RNF213: variants seen among roughly 807,000 people sequenced by gnomAD.
RNF213 encodes the protein ring finger protein 213, also known as E3 ubiquitin-protein ligase RNF213.
A neutral mutation model predicts 514.4 loss-of-function variants in RNF213; 341 were observed. The ratio of observed to expected loss-of-function variants is 0.66; its 90% CI spans 0.61 to 0.73. The LOEUF (loss-of-function observed/expected upper bound fraction) is 0.73. Among genes scored for constraint, RNF213 ranks in the 30% least tolerant of loss-of-function variants. The pLI is 0.00. For synonymous variants in RNF213, 2,655 were observed against 2,658.2 expected (o/e 1.00, Z 0.04); for missense variants, 5,767 against 6,615.6 (o/e 0.87, Z 4.45).
At chr17:80,312,976 C>CGAGGATGACTGACCCTCCCTCTT in intron 14 of RNF213, 36 bp from the exon 15 acceptor site, 1 of 1,612,962 alleles carries the variant, frequency 6.2e-7, no homozygotes, top group Non-Finnish European at 8.5e-7. Flanking sequence ...AGTCCACAGC[C>CGAGGATGACTGACCCTCCCTCTT]GAGGATGACT....
At chr17:80,334,385 G>C in intron 22 of RNF213, 115 bp downstream of exon 22, 5 of 1,156,974 alleles carry the variant, frequency 4.3e-6, no homozygotes, top group Non-Finnish European at 5.9e-6. Flanking sequence ...ACTACGTAAA[G>C]GGCAGAAAGA....
At chr17:80,370,965 TAA>T (rs1356239205) in intron 46 of RNF213, among the ~76,000 whole-genome samples, 1 of 152,180 alleles carries the variant, frequency 6.6e-6, no homozygotes, top group South Asian at 2.1e-4. Context: ...TTTGAATACT[TAA>T]AGACATTTTG....
chr17:80,346,161 A>G lies in RNF213; in HGVS notation c.7826A>G (p.Glu2609Gly), dbSNP rs769594537. Residue 2609 changes from glutamate (E) to glycine (G), a missense_variant, in exon 29 of 68, where the codon GAA becomes GGA. Glu to Gly is a moderately conservative substitution (Grantham distance 98, BLOSUM62 -2). Coordinates refer to ENST00000582970, the MANE Select transcript of RNF213 (RefSeq NM_001256071.3). This position sits in a 1 kb window ranked among gnomAD's most constrained non-coding sequence, Gnocchi z 8.1. ...QRLVESISLDENGTRVITEVL... is the reference protein window; with the variant it reads ...QRLVESISLDGNGTRVITEVL... Reference sequence around the variant, plus strand: ...CTGGTTGAGTCCATCAGCCTAGATGAAAACGGGACTCGCGTGATCACAGAA... The same window carrying G: ...CTGGTTGAGTCCATCAGCCTAGATGGAAACGGGACTCGCGTGATCACAGAA... 4 of 1,614,184 alleles carry G rather than the reference A, an allele frequency of 2.5e-6. No individual in the cohort carries two copies. The African/African-American group carries it at 5.3e-5, about 22-fold the overall frequency.
intron 32 of RNF213, chr17:80,352,724 A>G (rs1216836493): frequency 1.4e-6 from 1 of 700,018 alleles, no homozygotes; most frequent in South Asian, 1.6e-5. Context: ...GTTGCTGCTT[A>G]TGGTGAAGCT....
rs1599057139 is a variant in RNF213, at chr17:80,339,792, C to G, written c.5425C>G (p.Leu1809Val). ...GACCCTTGGCCACTGTCTGGCTCAC[C>G]TGGCAGGGATGGGTGGGTCTCCCGT... is the stretch of plus-strand genomic sequence containing the variant. ...LETLGHCLAH[L>V]AGMGGSPVER... Residue 1809 changes from leucine (L) to valine (V), a missense_variant, in exon 26 of 68, where the codon CTG becomes GTG. Physicochemically the swap from Leu to Val is conservative, Grantham distance 32 (BLOSUM62 1). Around this residue, in one of 13 missense-constraint regions of RNF213, gnomAD observed 1,377 missense variants for 1,635.2 expected, o/e 0.84. Transcript: ENST00000582970. The G allele has an allele frequency of 6.5e-7, 1 of 1,534,808 alleles. No homozygotes were observed. The highest frequency in any genetic ancestry group is 8.7e-7 in the Non-Finnish European group (1 of 1,145,008).
rs2079179557 is a variant in RNF213 at position 80,364,470 on chromosome 17, G to A, written c.11788G>A (p.Val3930Met). 2 of 1,614,170 alleles carry A rather than the reference G, an allele frequency of 1.2e-6. No individual in the cohort carries two copies. The highest frequency in any genetic ancestry group is 1.3e-5 in the African/African-American group (1 of 75,040). ...TCGGATTTTCTCCACCGCACTCTTC[G>A]TGGAGCACGTGCTCCTAGGAACCGA... ...WSRIFSTALF[V>M]EHVLLGTESR... Residue 3930 changes from valine to methionine, a missense_variant, in exon 42 of 68, where the codon GTG becomes ATG. Coordinates refer to ENST00000582970, the MANE Select transcript of RNF213 (RefSeq NM_001256071.3).
rs1005114328 is a variant in RNF213, at chr17:80,377,115, G to A, written c.13510+152G>A. 3.5e-5 allele frequency: 24 copies of A among 676,486 alleles called. No individual in the cohort carries two copies. The highest frequency in any genetic ancestry group is 1.1e-4 in the African/African-American group (6 of 56,286). The allele number at this position is 676,486 out of a possible 1,614,324, so 41.9% of individuals were successfully genotyped here. On this transcript the variant is annotated intron_variant, in intron 53 of 67. Transcript: ENST00000582970. The surrounding 1 kb of genome is among the most constrained non-coding windows in gnomAD (Gnocchi z 4.1). ...TCTACCGGTGGCGTCTGCAGAAGAC[G>A]AATGGCTTGAAGGAGCTGGCACTCC...
Position 80,291,670 on chromosome 17 carries a change from C to T in RNF213, c.1314C>T (p.Cys438=), listed in dbSNP as rs2044733962. The part of the protein sequence containing the change: ...HDRVLVEGIV[C]ISKKHLDKYI... ...GCGTTCTTGTTGAAGGCATTGTCTG[C>T]ATTTCCAAGAAGCACCTAGATAAAT... Residue 438 remains cysteine, a synonymous_variant, in exon 8 of 68, where the codon TGC becomes TGT. Coordinates refer to ENST00000582970, the MANE Select transcript of RNF213 (RefSeq NM_001256071.3). 2.5e-6 allele frequency: 4 copies of T among 1,614,112 alleles called. No homozygotes were observed. The South Asian group carries it at 3.3e-5, about 13-fold the overall frequency.
Position 80,354,069 on chromosome 17 carries a change from C to T in RNF213, c.10629C>T (p.Ala3543=), listed in dbSNP as rs533027571. 43 of 1,613,992 alleles carry T rather than the reference C, an allele frequency of 2.7e-5. No homozygotes were observed. In the South Asian group the frequency reaches 4.0e-4, roughly 15 times the overall value. Residue 3543 remains alanine (A), a synonymous_variant, in exon 35 of 68, where the codon GCC becomes GCT. Coordinates refer to ENST00000582970, the MANE Select transcript of RNF213 (RefSeq NM_001256071.3). ...TRLLRSCVQS[A]VGMLRDQNES... is the part of the protein sequence containing the mutation. Reference sequence around the variant, plus strand: ...TGCTGAGAAGCTGTGTGCAGAGCGCCGTGGGCATGCTCAGAGACCAGAACG... The same window carrying T: ...TGCTGAGAAGCTGTGTGCAGAGCGCTGTGGGCATGCTCAGAGACCAGAACG...
rs775265240 is a variant in RNF213 at position 80,353,665 on chromosome 17, A to G, written c.10577A>G (p.Asp3526Gly). The change falls in exon 34 of 68, where the codon GAT (aspartate) becomes GGT (glycine). Residue 3526 changes from aspartate to glycine, a missense_variant and splice_region_variant. By Grantham distance (94) the Asp-to-Gly change is moderately conservative. Transcript: ENST00000582970. This position sits in a 1 kb window ranked among gnomAD's most constrained non-coding sequence, Gnocchi z 5.0. ...GKETSELGGSDVSILDTTRLL... is the reference protein window; with the variant it reads ...GKETSELGGSGVSILDTTRLL... ...GAAACCTCTGAACTCGGAGGCAGTG[A>G]TGTAAGTTCTGGTTCTTGGGACCTC... The G allele has an allele frequency of 6.2e-6, 10 of 1,614,042 alleles. No homozygotes were observed. In the Admixed American group the frequency reaches 1.7e-4, roughly 27 times the overall value.
chr17:80,334,160 T>A lies in RNF213; in HGVS notation c.4199T>A (p.Leu1400His). ...RETLDQINQE[L>H]IQAKKLLQDI... Reference sequence around the variant, plus strand: ...ACACTGGACCAGATCAACCAGGAGCTCATCCAGGCCAAAAAGCTGCTCCAG... The same window carrying A: ...ACACTGGACCAGATCAACCAGGAGCACATCCAGGCCAAAAAGCTGCTCCAG... The change falls in exon 22 of 68, where the codon CTC (leucine) becomes CAC (histidine). Residue 1400 changes from leucine to histidine, a missense_variant. This residue lies in a region of RNF213 where 516 missense variants were observed against 566.5 expected (regional missense o/e 0.91). Transcript: ENST00000582970. 1 of 1,537,170 alleles carries A rather than the reference T, an allele frequency of 6.5e-7. No individual in the cohort carries two copies. The highest frequency in any genetic ancestry group is 8.7e-7 in the Non-Finnish European group (1 of 1,146,872).
In RNF213 at chr17:80,346,649, G is replaced by A. The variant is rs374686009; in HGVS notation, c.8314G>A (p.Gly2772Ser). The change falls in exon 29 of 68, where the codon GGC (glycine) becomes AGC (serine). Residue 2772 changes from glycine (G) to serine (S), a missense_variant. By Grantham distance (56) the Gly-to-Ser change is moderately conservative. Coordinates refer to ENST00000582970, the MANE Select transcript of RNF213 (RefSeq NM_001256071.3). The surrounding 1 kb of genome is among the most constrained non-coding windows in gnomAD (Gnocchi z 8.1). ...KIPLFLVGKP[G>S]SSKSLAKTIV... is the part of the protein sequence containing the mutation. The stretch of plus-strand genomic sequence containing the variant: ...TCCCCTCTTCCTGGTGGGGAAGCCC[G>A]GCAGCTCCAAGTCTCTCGCCAAGAC... 9 of 1,612,028 alleles carry A rather than the reference G, an allele frequency of 5.6e-6. No homozygotes were observed. The highest frequency in any genetic ancestry group is 2.2e-5 in the South Asian group (2 of 91,082).
intron 62 of RNF213, 126 bp downstream of exon 62, chr17:80,386,556 A>G: frequency 2.9e-6 from 4 of 1,395,844 alleles, no homozygotes; most frequent in Non-Finnish European, 4.0e-6. Flanking sequence ...CGCCCCCACC[A>G]GTGACCCGCC....
chr17:80,373,482 T>C (rs942077455), intron 49 of RNF213, among the ~76,000 whole-genome samples: 2 of 152,004 alleles, frequency 1.3e-5, no homozygotes, highest in Non-Finnish European at 2.9e-5. Flanking sequence ...TGATCATGTT[T>C]ACACTGCCTG....
chr17:80,361,970 A>C, intron 39 of RNF213, 82 bp downstream of exon 39: 3 of 1,463,806 alleles, frequency 2.0e-6, no homozygotes, highest in Non-Finnish European at 2.8e-6. Flanking sequence ...ACGTTTCCTC[A>C]GCTGCCTGGA....
At chr17:80,287,100 C>T (rs1018446393) in intron 3 of RNF213, among the ~76,000 whole-genome samples, 7 of 152,168 alleles carry the variant, frequency 4.6e-5, no homozygotes, top group African/African-American at 7.2e-5. Flanking sequence ...GTGGCTCACG[C>T]GTGTAATCCC....
chr17:80,307,297 T>A, intron 13 of RNF213, 96 bp downstream of exon 13: 1 of 945,818 alleles, frequency 1.1e-6, no homozygotes, highest in Non-Finnish European at 1.7e-6. Context: ...TGTGCTGTTG[T>A]AACAGCAAGG....
intron 50 of RNF213, 42 bp downstream of exon 50, chr17:80,374,631 C>T (rs2144537215): frequency 6.2e-7 from 1 of 1,610,528 alleles, no homozygotes; most frequent in Non-Finnish European, 8.5e-7. Flanking sequence ...CAGGTGGCAT[C>T]CCTTGGAGCC....
At chr17:80,283,816 A>G (rs1371266702) in intron 3 of RNF213, among the ~76,000 whole-genome samples, 1 of 152,262 alleles carries the variant, frequency 6.6e-6, no homozygotes, top group Admixed American at 6.5e-5. Flanking sequence ...TATTTCTGCC[A>G]GAGCCTGATT....
Sources: gnomAD v4.1 joint callset for allele counts (sites outside exome capture counted in the v4.1 genomes callset) on GRCh38, gnomAD v4.1.1 for gene constraint, gnomAD v4.1.1 regional missense constraint, Gnocchi (gnomAD v3.1) non-coding constraint, MANE v1.5 for transcripts, NCBI Gene and HGNC (gene_info 2026-07-23, HGNC 2026-07-21) for gene names.